The following ANK3 variants were observed in gnomAD, a reference collection of about 807,000 sequenced individuals.
ANK3 encodes the protein ankyrin-3.
ANK3 carries 57 observed loss-of-function variants against 370.9 expected under a neutral mutation model. The observed-to-expected ratio is 0.15, with a 90% CI of 0.12 to 0.19. ANK3 has a LOEUF of 0.19. ANK3 is among the 10% of genes least tolerant of loss of function. The probability of loss-of-function intolerance (pLI) is 1.00; values close to 1 mark genes in which losing one functional copy is unlikely to be tolerated. For missense variants in ANK3, 4,439 were observed against 5,302.1 expected (o/e 0.84, Z 5.06); for synonymous variants, 1,929 against 1,946.3 (o/e 0.99, Z 0.23).
rs72807957 is a variant in ANK3, at chr10:60,519,181, C to T, written c.96+96005G>A. ...AGCCCCTGGCCTAGACCCAATGCCCCGGGTGAGACATTAAAGAATGACAAG... is the reference window on the plus strand; with the variant it reads ...AGCCCCTGGCCTAGACCCAATGCCCTGGGTGAGACATTAAAGAATGACAAG... On this transcript the variant is annotated intron_variant, in intron 2 of 43. Transcript: ENST00000373827. 5.7e-3 allele frequency among the ~76,000 whole-genome samples: 861 copies of T among 152,178 alleles called. 4 individuals carry two copies. The highest frequency in any genetic ancestry group is 0.014 in the South Asian group (68 of 4,812).
At chr10:60,264,634 C>CAA (rs879532506) in intron 5 of ANK3, among the ~76,000 whole-genome samples, 76 of 81,430 alleles carry the variant, frequency 9.3e-4, no homozygotes, top group African/African-American at 2.9e-3. Flanking sequence ...AAGACTCTGT[C>CAA]AAAAAAAAAA....
intron 25 of ANK3, among the ~76,000 whole-genome samples, chr10:60,132,393 A>G (rs1467368201): frequency 6.6e-6 from 1 of 152,114 alleles, no homozygotes. Flanking sequence ...GTGATACTGA[A>G]TAAGTCTCAC....
At chr10:60,729,260 A>G (rs1327520059) in intron 1 of ANK3, among the ~76,000 whole-genome samples, 1 of 152,214 alleles carries the variant, frequency 6.6e-6, no homozygotes, top group Non-Finnish European at 1.5e-5. Context: ...CAGATTCCCT[A>G]TAAAGCATCA....
At chr10:60,372,436 G>A (rs2060223479) in intron 1 of ANK3, among the ~76,000 whole-genome samples, 2 of 141,044 alleles carry the variant, frequency 1.4e-5, no homozygotes, top group South Asian at 4.7e-4. Flanking sequence ...GAAACAGGGA[G>A]CGTTTAACTT....
chr10:60,457,865 T>C (rs1051709679), intron 2 of ANK3, among the ~76,000 whole-genome samples: 2 of 152,184 alleles, frequency 1.3e-5, no homozygotes, highest in South Asian at 2.1e-4. Context: ...ATCAGTGACA[T>C]GCAGTGGGCG....
At chr10:60,486,191 A>G (rs567622423) in intron 2 of ANK3, among the ~76,000 whole-genome samples, 1 of 152,360 alleles carries the variant, frequency 6.6e-6, no homozygotes, top group South Asian at 2.1e-4. Context: ...TAGCAATTTC[A>G]TAATTAAATC....
At chr10:60,247,350 A>T (rs74730584) in intron 7 of ANK3, among the ~76,000 whole-genome samples, 2,930 of 152,146 alleles carry the variant, frequency 0.019, 88 homozygotes, top group African/African-American at 0.067. Context: ...CGCTTTAAAA[A>T]TTTTTTTAAT....
chr10:60,636,326 A>C (rs2078554259), intron 1 of ANK3, among the ~76,000 whole-genome samples: 1 of 152,162 alleles, frequency 6.6e-6, no homozygotes, highest in Non-Finnish European at 1.5e-5. Flanking sequence ...CAGTGGTTCA[A>C]AGGGGTTAGT....
intron 1 of ANK3, among the ~76,000 whole-genome samples, chr10:60,379,805 C>T (rs2061314949): frequency 6.6e-6 from 1 of 151,948 alleles, no homozygotes; most frequent in Non-Finnish European, 1.5e-5. Flanking sequence ...TTCTGTATCA[C>T]AGTGGGATGA....
chr10:60,158,685 C>CTTTTTTTTTTTTTTTT (rs141741941), intron 23 of ANK3, among the ~76,000 whole-genome samples: 4 of 132,756 alleles, frequency 3.0e-5, no homozygotes, highest in East Asian at 2.3e-4. Flanking sequence ...CACTTTTTTT[C>CTTTTTTTTTTTTTTTT]TTTTTTTTGA....
intron 41 of ANK3, 80 bp downstream of exon 41, chr10:60,059,260 C>G (rs972473622): frequency 2.5e-6 from 3 of 1,210,306 alleles, no homozygotes; most frequent in African/African-American, 3.0e-5. Flanking sequence ...TAGAAGAAGT[C>G]ACCACTAAAA....
intron 1 of ANK3, among the ~76,000 whole-genome samples, chr10:60,306,340 A>G (rs2045075994): frequency 6.6e-6 from 1 of 151,990 alleles, no homozygotes; most frequent in South Asian, 2.1e-4. Flanking sequence ...CTTCACTTAC[A>G]ATAATGGCCT....
At chr10:60,573,766 T>C (rs1018291826) in intron 2 of ANK3, among the ~76,000 whole-genome samples, 1 of 151,934 alleles carries the variant, frequency 6.6e-6, no homozygotes, top group African/African-American at 2.4e-5. Flanking sequence ...ACCACTAAGA[T>C]GAAAACAGAG....
At chr10:60,543,733 A>G (rs2076901753) in intron 2 of ANK3, among the ~76,000 whole-genome samples, 1 of 152,028 alleles carries the variant, frequency 6.6e-6, no homozygotes, top group Non-Finnish European at 1.5e-5. Flanking sequence ...AAAATTTTCA[A>G]TCATTCATTT....
At chr10:60,479,733 C>T (rs2075162930) in intron 2 of ANK3, among the ~76,000 whole-genome samples, 1 of 151,612 alleles carries the variant, frequency 6.6e-6, no homozygotes, top group Non-Finnish European at 1.5e-5. Flanking sequence ...TATAAAGAGA[C>T]AGCCAACTAT....
At chr10:60,183,173 A>G (rs911635326) in intron 17 of ANK3, among the ~76,000 whole-genome samples, 1 of 152,176 alleles carries the variant, frequency 6.6e-6, no homozygotes, top group African/African-American at 2.4e-5. Flanking sequence ...CGTTTCAATA[A>G]AGGGCCAAGT....
chr10:60,391,985 T>C (rs1024895162), upstream of ANK3, among the ~76,000 whole-genome samples: 9 of 152,142 alleles, frequency 5.9e-5, no homozygotes, highest in African/African-American at 2.2e-4. Context: ...TAACAGAAAA[T>C]GTGATCTTTT....
intron 28 of ANK3, among the ~76,000 whole-genome samples, chr10:60,094,181 AT>A (rs1169437967): frequency 0.097 from 11,334 of 116,264 alleles, 385 homozygotes; most frequent in African/African-American, 0.17. Flanking sequence ...ACAGTATTCT[AT>A]TTTTTTTTTT....
At chr10:60,146,522 T>G (rs184542368) in intron 23 of ANK3, among the ~76,000 whole-genome samples, 2 of 152,262 alleles carry the variant, frequency 1.3e-5, no homozygotes, top group Admixed American at 1.3e-4. Context: ...ACAGTCTCAC[T>G]CTATTGCCCA....
Sources: allele counts gnomAD v4.1 joint callset (sites outside exome capture counted in the v4.1 genomes callset), GRCh38; gene constraint gnomAD v4.1.1; transcripts MANE v1.5; gene names NCBI Gene and HGNC (gene_info 2026-07-23, HGNC 2026-07-21).